The following CEP120 variants were observed in gnomAD, a reference collection of about 807,000 sequenced individuals.
The protein encoded by CEP120 is centrosomal protein of 120 kDa.
In CEP120, 113 loss-of-function variants were observed where a neutral mutation model predicts 126.5. The observed-to-expected ratio is 0.89, with a 90% CI of 0.77 to 1.04. CEP120 has a LOEUF of 1.04. Among genes scored for constraint, CEP120 ranks in the 50% least tolerant of loss-of-function variants. The pLI, the probability that CEP120 is intolerant of heterozygous loss-of-function variation, is 0.00. For synonymous variants in CEP120, 400 were observed against 394.3 expected (o/e 1.01, Z -0.17); for missense variants, 1,230 against 1,155.7 (o/e 1.06, Z -0.93).
intron 18 of CEP120, among the ~76,000 whole-genome samples, chr5:123,359,287 C>G (rs752048034): frequency 2.6e-5 from 4 of 152,034 alleles, no homozygotes; most frequent in Non-Finnish European, 5.9e-5. Flanking sequence ...TGGGAACAAA[C>G]ATACCTACTC....
At chr5:123,389,897 C>G (rs200275819) in intron 8 of CEP120, 27 bp downstream of exon 8, 23 of 1,578,312 alleles carry the variant, frequency 1.5e-5, no homozygotes, top group Non-Finnish European at 1.8e-5. Context: ...CCTCAAAGAT[C>G]TATAAACAAA....
At chr5:123,397,826 G>GT in intron 5 of CEP120, among the ~76,000 whole-genome samples, 1 of 152,234 alleles carries the variant, frequency 6.6e-6, no homozygotes. Flanking sequence ...GCTCACACCT[G>GT]TAATCCCAGC....
At chr5:123,403,798 C>T in intron 4 of CEP120, 1 of 358,396 alleles carries the variant, frequency 2.8e-6, no homozygotes, top group Non-Finnish European at 5.4e-6. Context: ...ATGAAACAAT[C>T]TACAAATTAA....
intron 19 of CEP120, 40 bp downstream of exon 19, chr5:123,349,904 A>C: frequency 6.3e-7 from 1 of 1,591,324 alleles, no homozygotes; most frequent in South Asian, 1.1e-5. Context: ...TCCCTGAACC[A>C]AACTTTGGCT....
Position 123,346,635 on chromosome 5 carries a change from T to A in CEP120, c.2845A>T (p.Ile949Leu), listed in dbSNP as rs375142939. The change falls in exon 20 of 20, where the codon ATA (isoleucine) becomes TTA (leucine). Residue 949 changes from isoleucine to leucine, a missense_variant. Physicochemically the swap from Ile to Leu is conservative, Grantham distance 5. Coordinates refer to ENST00000306467, the MANE Select transcript of CEP120 (RefSeq NM_001375405.1). ...EGLDDYLTRL[I>L]EERDTLMRTG... ...CTCATCAAAGTATCCCTTTCTTCTA[T>A]CAGGCGAGTCAAATAATCATCCAAA... 2 of 1,614,038 alleles carry A rather than the reference T, an allele frequency of 1.2e-6. No homozygotes were observed. The highest frequency in any genetic ancestry group is 1.7e-6 in the Non-Finnish European group (2 of 1,179,946).
At chr5:123,376,021 G>A (rs911883471) in intron 16 of CEP120, among the ~76,000 whole-genome samples, 4 of 146,552 alleles carry the variant, frequency 2.7e-5, no homozygotes, top group African/African-American at 7.6e-5. Flanking sequence ...AATATTTATT[G>A]AGCCCCTATT....
At chr5:123,398,040 T>C (rs1307248043) in intron 5 of CEP120, among the ~76,000 whole-genome samples, 3 of 152,108 alleles carry the variant, frequency 2.0e-5, no homozygotes, top group Non-Finnish European at 4.4e-5. Context: ...GCTATGATCA[T>C]GCCAAGGCAC....
At chr5:123,368,776 C>A (rs1192015570) in intron 17 of CEP120, among the ~76,000 whole-genome samples, 2 of 151,878 alleles carry the variant, frequency 1.3e-5, no homozygotes, top group African/African-American at 4.8e-5. Flanking sequence ...TATAAATGTA[C>A]ACTGGAGTTT....
chr5:123,360,225 T>C (rs1263001894), intron 18 of CEP120, among the ~76,000 whole-genome samples: 3 of 151,960 alleles, frequency 2.0e-5, no homozygotes, highest in South Asian at 2.1e-4. Flanking sequence ...GGAAAAGAAA[T>C]TGAGTAATTT....
intron 10 of CEP120, 58 bp downstream of exon 10, chr5:123,386,460 C>T (rs1032458590): frequency 1.6e-6 from 2 of 1,216,476 alleles, no homozygotes; most frequent in African/African-American, 3.2e-5. Flanking sequence ...TAATAAAATA[C>T]AAATTTTCAA....
intron 1 of CEP120, among the ~76,000 whole-genome samples, chr5:123,421,757 T>C (rs1774732338): frequency 6.6e-6 from 1 of 152,186 alleles, no homozygotes; most frequent in Non-Finnish European, 1.5e-5. Context: ...CAGTTATAAG[T>C]CTAAAAACTG....
intron 5 of CEP120, among the ~76,000 whole-genome samples, chr5:123,394,120 T>C (rs1580705532): frequency 6.6e-6 from 1 of 152,250 alleles, no homozygotes; most frequent in South Asian, 2.1e-4. Context: ...AGACCTTTAA[T>C]GTTCACTAGC....
intron 8 of CEP120, among the ~76,000 whole-genome samples, chr5:123,389,220 G>A (rs1289588777): frequency 1.3e-5 from 2 of 152,068 alleles, no homozygotes; most frequent in Non-Finnish European, 2.9e-5. Context: ...AGATAAATAT[G>A]CATTCTTAGA....
chr5:123,384,476 A>G (rs1771886999), intron 11 of CEP120, among the ~76,000 whole-genome samples: 1 of 152,262 alleles, frequency 6.6e-6, no homozygotes, highest in African/African-American at 2.4e-5. Context: ...AAAAACCAAT[A>G]ATTATTTTAA....
At chr5:123,366,857 G>A (rs1436971919) in intron 17 of CEP120, among the ~76,000 whole-genome samples, 2 of 151,606 alleles carry the variant, frequency 1.3e-5, no homozygotes, top group Non-Finnish European at 2.9e-5. Flanking sequence ...TGTCCTACCC[G>A]CTCAACCTGC....
At chr5:123,395,823 AGGCACCC>A (rs911529340) in intron 5 of CEP120, among the ~76,000 whole-genome samples, 29 of 151,492 alleles carry the variant, frequency 1.9e-4, no homozygotes, top group African/African-American at 7.0e-4. Flanking sequence ...CTGGGACTAC[AGGCACCC>A]GCCACCACAC....
chr5:123,358,191 G>A (rs190562488), intron 18 of CEP120: 1 of 152,164 alleles, frequency 6.6e-6, no homozygotes, highest in East Asian at 1.9e-4. Context: ...TATATCTTAT[G>A]TTACAAAATT....
At chr5:123,400,146 G>T (rs1773079732) in intron 4 of CEP120, among the ~76,000 whole-genome samples, 1 of 152,178 alleles carries the variant, frequency 6.6e-6, no homozygotes, top group African/African-American at 2.4e-5. Flanking sequence ...TAATCCTAAA[G>T]AGTTGTGCTT....
At chr5:123,385,209 T>A (rs1488296349) in intron 10 of CEP120, 76 bp from the exon 11 acceptor site, 2 of 1,198,718 alleles carry the variant, frequency 1.7e-6, no homozygotes. Context: ...TTCTTTGAAT[T>A]CCCTCAATGG....
Sources: allele counts gnomAD v4.1 joint callset (sites outside exome capture counted in the v4.1 genomes callset), GRCh38; gene constraint gnomAD v4.1.1; transcripts MANE v1.5; gene names NCBI Gene and HGNC (gene_info 2026-07-23, HGNC 2026-07-21).